Variants in SLIT2 observed in about 807,000 individuals in gnomAD.
SLIT2 encodes the protein slit guidance ligand 2.
Under a neutral mutation model 185.7 loss-of-function variants are expected in SLIT2, and 41 were observed. The observed-to-expected ratio is 0.22, with a 90% confidence interval of 0.17 to 0.29. SLIT2 has a LOEUF of 0.29. Ranked by LOEUF, SLIT2 falls within the 10% of genes least tolerant of loss-of-function variation. The pLI, the probability that SLIT2 is intolerant of heterozygous loss-of-function variation, is 1.00. For missense variants in SLIT2, 1,571 were observed against 1,909.0 expected (o/e 0.82, Z 3.30); for synonymous variants, 693 against 680.2 (o/e 1.02, Z -0.29).
At chr4:20,362,336 C>T (rs1722804006) in intron 4 of SLIT2, among the ~76,000 whole-genome samples, 1 of 152,096 alleles carries the variant, frequency 6.6e-6, no homozygotes, top group South Asian at 2.1e-4. Flanking sequence ...CGCAGAGCAG[C>T]AAGGTCTCAA....
At chr4:20,345,553 T>C (rs1260084882) in intron 4 of SLIT2, among the ~76,000 whole-genome samples, 2 of 149,802 alleles carry the variant, frequency 1.3e-5, no homozygotes, top group Non-Finnish European at 3.0e-5. Context: ...TCTTTTTTTT[T>C]GAGATAGAGT....
intron 4 of SLIT2, among the ~76,000 whole-genome samples, chr4:20,274,055 C>G (rs1713917209): frequency 6.6e-6 from 1 of 152,134 alleles, no homozygotes; most frequent in African/African-American, 2.4e-5. Flanking sequence ...TGCCAAAGAG[C>G]TTCATGTGCT....
chr4:20,332,580 A>G (rs1360952665), intron 4 of SLIT2, among the ~76,000 whole-genome samples: 2 of 151,980 alleles, frequency 1.3e-5, no homozygotes, highest in Non-Finnish European at 2.9e-5. Context: ...TATTTGGGAG[A>G]CTGAGGCGGG....
At chr4:20,538,121 G>A (rs986916721) in intron 18 of SLIT2, among the ~76,000 whole-genome samples, 1 of 152,054 alleles carries the variant, frequency 6.6e-6, no homozygotes, top group African/African-American at 2.4e-5. Flanking sequence ...CACCACGCTA[G>A]GCTAATTTTT....
At chr4:20,332,887 A>G (rs973360782) in intron 4 of SLIT2, among the ~76,000 whole-genome samples, 18 of 151,968 alleles carry the variant, frequency 1.2e-4, no homozygotes, top group African/African-American at 3.9e-4. Context: ...TTTATGAGAC[A>G]TATTTTAGGG....
intron 11 of SLIT2, among the ~76,000 whole-genome samples, chr4:20,511,420 C>CTT (rs1040955182): frequency 4.3e-4 from 53 of 122,022 alleles, no homozygotes; most frequent in South Asian, 1.7e-3. Flanking sequence ...TTTTTTATTT[C>CTT]TTTTTTTTTT....
intron 30 of SLIT2, 88 bp downstream of exon 30, chr4:20,589,825 C>T: frequency 1.2e-6 from 1 of 823,206 alleles, no homozygotes. Context: ...CTTAGCTTCA[C>T]ACCTCTGCTC....
chr4:20,412,651 T>C (rs1222993725), intron 4 of SLIT2, among the ~76,000 whole-genome samples: 1 of 152,142 alleles, frequency 6.6e-6, no homozygotes, highest in Non-Finnish European at 1.5e-5. Flanking sequence ...AATAAAATTT[T>C]TAAATAAAAA....
chr4:20,482,863 A>G (rs927891405), intron 6 of SLIT2, among the ~76,000 whole-genome samples: 12 of 151,902 alleles, frequency 7.9e-5, no homozygotes, highest in African/African-American at 2.9e-4. Context: ...ACTTTAAACA[A>G]CCCCTAGAAA....
intron 4 of SLIT2, among the ~76,000 whole-genome samples, chr4:20,351,872 T>C (rs1345491290): frequency 1.3e-5 from 2 of 152,196 alleles, no homozygotes; most frequent in Non-Finnish European, 2.9e-5. Flanking sequence ...CAATGCAGTT[T>C]GTGTTTTGAT....
At chr4:20,331,596 A>G (rs992419637) in intron 4 of SLIT2, among the ~76,000 whole-genome samples, 1 of 152,132 alleles carries the variant, frequency 6.6e-6, no homozygotes, top group Admixed American at 6.6e-5. Flanking sequence ...TCTTACATCA[A>G]TCTTTGCCAC....
intron 26 of SLIT2, among the ~76,000 whole-genome samples, chr4:20,564,965 A>G (rs1410431132): frequency 6.6e-6 from 1 of 151,992 alleles, no homozygotes; most frequent in East Asian, 1.9e-4. Flanking sequence ...CATTTATTAA[A>G]TAAATCCCCA....
chr4:20,567,664 A>G (rs971885865), intron 28 of SLIT2, 49 bp downstream of exon 28: 3 of 1,367,574 alleles, frequency 2.2e-6, no homozygotes, highest in Admixed American at 3.4e-5. Context: ...TGGAGCAAAG[A>G]TAACTAAGCC....
intron 6 of SLIT2, among the ~76,000 whole-genome samples, chr4:20,481,424 T>A (rs997864661): frequency 6.6e-6 from 1 of 152,154 alleles, no homozygotes; most frequent in South Asian, 2.1e-4. Context: ...GTAATTTTAA[T>A]GAAATTACAA....
At chr4:20,518,557 G>GTGTGTGTATATATATA (rs1271279922) in intron 11 of SLIT2, among the ~76,000 whole-genome samples, 2 of 17,848 alleles carry the variant, frequency 1.1e-4, no homozygotes, top group Non-Finnish European at 1.9e-4. Flanking sequence ...CAGCCTATAT[G>GTGTGTGTATATATATA]TATATATATA....
At chr4:20,431,961 CTGTG>C (rs1409367622) in intron 4 of SLIT2, among the ~76,000 whole-genome samples, 1 of 151,374 alleles carries the variant, frequency 6.6e-6, no homozygotes, top group African/African-American at 2.4e-5. Flanking sequence ...TTCTCTTTCT[CTGTG>C]TGTGTTTGTG....
chr4:20,361,015 C>CTA (rs1216047875), intron 4 of SLIT2, among the ~76,000 whole-genome samples: 4 of 152,154 alleles, frequency 2.6e-5, no homozygotes, highest in African/African-American at 7.2e-5. Flanking sequence ...AAACGCTAAT[C>CTA]AGAGCTGATT....
chr4:20,546,587 T>C (rs1357251808), intron 22 of SLIT2, among the ~76,000 whole-genome samples: 1 of 152,086 alleles, frequency 6.6e-6, no homozygotes, highest in African/African-American at 2.4e-5. Context: ...TTTTAGAAAA[T>C]CCATATATAT....
At chr4:20,434,026 T>A (rs531515075) in intron 4 of SLIT2, among the ~76,000 whole-genome samples, 1 of 152,300 alleles carries the variant, frequency 6.6e-6, no homozygotes, top group East Asian at 1.9e-4. Context: ...CTAGACTCCC[T>A]TTAGGATAAA....
Sources: allele counts gnomAD v4.1 joint callset (sites outside exome capture counted in the v4.1 genomes callset), GRCh38; gene constraint gnomAD v4.1.1; transcripts MANE v1.5; gene names NCBI Gene and HGNC (gene_info 2026-07-23, HGNC 2026-07-21).